Variants in TNFRSF21 observed in about 807,000 individuals in gnomAD.
The protein encoded by TNFRSF21 is TNF receptor superfamily member 21.
In TNFRSF21, 19 loss-of-function variants were observed where a neutral mutation model predicts 45.6. The ratio of observed to expected loss-of-function variants is 0.42; its 90% CI spans 0.29 to 0.61. The LOEUF (loss-of-function observed/expected upper bound fraction) is 0.61. TNFRSF21 is among the 20% of genes least tolerant of loss of function. TNFRSF21 has a pLI of 0.23. For synonymous variants in TNFRSF21, 314 were observed against 335.5 expected, an observed-to-expected ratio of 0.94 and a Z score of 0.70; for missense variants, 737 against 851.5, an observed-to-expected ratio of 0.87 and a Z score of 1.67.
chr6:47,269,091 T>C (rs1762375761), intron 3 of TNFRSF21, among the ~76,000 whole-genome samples: 2 of 152,166 alleles, frequency 1.3e-5, no homozygotes, highest in Admixed American at 1.3e-4. Flanking sequence ...CTACTGGCCA[T>C]GTGACTTTGG....
intron 1 of TNFRSF21, among the ~76,000 whole-genome samples, chr6:47,289,551 A>G (rs972062142): frequency 6.6e-5 from 10 of 152,158 alleles, no homozygotes; most frequent in Admixed American, 3.3e-4. Flanking sequence ...GCTTGATGAT[A>G]AATTCTGTAA....
intron 4 of TNFRSF21, among the ~76,000 whole-genome samples, chr6:47,242,350 C>T (rs1218750673): frequency 2.0e-5 from 3 of 152,158 alleles, no homozygotes; most frequent in East Asian, 1.9e-4. Context: ...GTGGGTTTCT[C>T]GCTTAAATAC....
intron 4 of TNFRSF21, among the ~76,000 whole-genome samples, 175 bp from the exon 5 acceptor site, chr6:47,235,073 C>A (rs1246588870): frequency 1.3e-5 from 2 of 152,040 alleles, no homozygotes; most frequent in Non-Finnish European, 2.9e-5. Context: ...GACTTTTAAA[C>A]CCTTCAAAAA....
intron 3 of TNFRSF21, 26 bp from the exon 4 acceptor site, chr6:47,253,547 A>T (rs766181804): frequency 6.2e-7 from 1 of 1,602,398 alleles, no homozygotes; most frequent in South Asian, 1.1e-5. Flanking sequence ...AATAAAAAAC[A>T]AATGAGGGCT....
At chr6:47,275,862 T>C (rs1413705783) in intron 3 of TNFRSF21, among the ~76,000 whole-genome samples, 1 of 152,154 alleles carries the variant, frequency 6.6e-6, no homozygotes, top group African/African-American at 2.4e-5. Flanking sequence ...GCATTGAGCC[T>C]GGCCTCTTCC....
chr6:47,264,811 G>A (rs1452801048), intron 3 of TNFRSF21, among the ~76,000 whole-genome samples: 7 of 152,176 alleles, frequency 4.6e-5, no homozygotes, highest in African/African-American at 7.2e-5. Context: ...GGATGGGGGC[G>A]GGGGTGAGAA....
At chr6:47,235,634 G>A (rs191264345) in intron 4 of TNFRSF21, among the ~76,000 whole-genome samples, 1 of 152,252 alleles carries the variant, frequency 6.6e-6, no homozygotes, top group East Asian at 1.9e-4. Flanking sequence ...AGGAAACTGG[G>A]GCCTGGAGAA....
intron 3 of TNFRSF21, among the ~76,000 whole-genome samples, chr6:47,281,898 G>A (rs1762572283): frequency 6.6e-6 from 1 of 151,662 alleles, no homozygotes; most frequent in Non-Finnish European, 1.5e-5. Flanking sequence ...CCAGTAAATA[G>A]TTGTCTTATT....
In TNFRSF21 at chr6:47,287,323, A is replaced by G. The variant is rs12665410; in HGVS notation, c.97-728T>C. 1.6e-3 allele frequency among the ~76,000 whole-genome samples: 230 copies of G among 142,336 alleles called. 1 individual carries two copies. Among genetic ancestry groups the G allele is most frequent in the Non-Finnish European group, 2.5e-3 (168 of 65,930 alleles). 93.4% of individuals were successfully genotyped at this position (142,336 alleles called of 152,430 possible). ...ACTCTTTCTCAAAAAAAAAAAAAAA[A>G]AAAAAAAAAAAGAAAAGAAAAATTG... On this transcript the variant is annotated intron_variant, in intron 1 of 5. Transcript: ENST00000296861.
At chr6:47,300,682 C>T (rs1762854759) in intron 1 of TNFRSF21, among the ~76,000 whole-genome samples, 1 of 152,192 alleles carries the variant, frequency 6.6e-6, no homozygotes, top group Non-Finnish European at 1.5e-5. Flanking sequence ...TCTTTCTATT[C>T]TCTGAACATG....
At chr6:47,294,277 G>A (rs1416253873) in intron 1 of TNFRSF21, among the ~76,000 whole-genome samples, 2 of 152,254 alleles carry the variant, frequency 1.3e-5, no homozygotes, top group Non-Finnish European at 2.9e-5. Context: ...CTGAGTAGCT[G>A]GGACTACAGG....
chr6:47,302,730 C>T (rs1170333065), intron 1 of TNFRSF21, among the ~76,000 whole-genome samples: 2 of 152,176 alleles, frequency 1.3e-5, no homozygotes, highest in Admixed American at 1.3e-4. Flanking sequence ...TGGGTAAAGT[C>T]ATTCTCTTTA....
intron 3 of TNFRSF21, among the ~76,000 whole-genome samples, chr6:47,256,606 C>T (rs1420076089): frequency 6.6e-6 from 1 of 152,186 alleles, no homozygotes; most frequent in African/African-American, 2.4e-5. Flanking sequence ...TTTTCCCTGG[C>T]AGTGTGAAGT....
intron 2 of TNFRSF21, among the ~76,000 whole-genome samples, chr6:47,284,892 T>C (rs904667603): frequency 6.6e-6 from 1 of 152,212 alleles, no homozygotes; most frequent in Non-Finnish European, 1.5e-5. Context: ...AGAATTCAAA[T>C]GCAAATTTGA....
chr6:47,233,877 A>G (rs1056703985), intron 5 of TNFRSF21, among the ~76,000 whole-genome samples: 16 of 152,158 alleles, frequency 1.1e-4, no homozygotes, highest in African/African-American at 3.9e-4. Flanking sequence ...GATATTAAAA[A>G]TTAAAAGTTG....
chr6:47,272,778 T>G (rs542329762), intron 3 of TNFRSF21, among the ~76,000 whole-genome samples: 70 of 152,098 alleles, frequency 4.6e-4, no homozygotes, highest in African/African-American at 1.6e-3. Flanking sequence ...GCAAGACTAA[T>G]AAAGAAGAAG....
intron 1 of TNFRSF21, among the ~76,000 whole-genome samples, chr6:47,305,281 C>G (rs926583268): frequency 6.6e-6 from 1 of 152,114 alleles, no homozygotes; most frequent in African/African-American, 2.4e-5. Flanking sequence ...TAGTGCCTCA[C>G]TTAGAAAGGG....
At position 47,242,351 on chromosome 6, in the gene TNFRSF21, G is replaced by A. The variant is rs375646914; in HGVS notation, c.1510-7453C>T. Among the ~76,000 whole-genome samples the A allele has an allele frequency of 8.0e-4, 122 of 152,204 alleles. No individual in the cohort carries two copies. The South Asian group carries it at 0.022, about 27-fold the overall frequency. On this transcript the variant is annotated intron_variant, in intron 4 of 5. Coordinates refer to ENST00000296861, the MANE Select transcript of TNFRSF21 (RefSeq NM_014452.5). ...GTTAGCTGGTCACGGTGGGTTTCTC[G>A]CTTAAATACCCCAAACTCAAATCAA...
At chr6:47,242,771 G>A (rs1034040921) in intron 4 of TNFRSF21, among the ~76,000 whole-genome samples, 2 of 152,206 alleles carry the variant, frequency 1.3e-5, no homozygotes, top group African/African-American at 4.8e-5. Context: ...GAATAAGTGG[G>A]TTCTCTTGGT....
Sources: allele counts gnomAD v4.1 joint callset (sites outside exome capture counted in the v4.1 genomes callset), GRCh38; gene constraint gnomAD v4.1.1; transcripts MANE v1.5; gene names NCBI Gene and HGNC (gene_info 2026-07-23, HGNC 2026-07-21).